Variants in STPG2 observed in about 807,000 individuals in gnomAD.
The protein encoded by STPG2 is sperm tail PG-rich repeat containing 2.
STPG2 carries 56 observed loss-of-function variants against 54.2 expected under a neutral mutation model. The ratio of observed to expected loss-of-function variants is 1.03; its 90% CI spans 0.83 to 1.29. The LOEUF is 1.29. Ranked by LOEUF, STPG2 falls within the 50% of genes most tolerant of loss-of-function variation. The probability of loss-of-function intolerance (pLI) is 0.00; values close to 1 mark genes in which losing one functional copy is unlikely to be tolerated. For missense variants in STPG2, 596 were observed against 544.9 expected, an observed-to-expected ratio of 1.09 and a Z score of -0.93; for synonymous variants, 200 against 181.8, an observed-to-expected ratio of 1.10 and a Z score of -0.81.
chr4:97,824,818 G>T (rs538866609), intron 9 of STPG2, among the ~76,000 whole-genome samples: 34 of 152,260 alleles, frequency 2.2e-4, no homozygotes, highest in African/African-American at 7.7e-4. Flanking sequence ...CCATTTTACG[G>T]GGGCAGCCTA....
intron 7 of STPG2, among the ~76,000 whole-genome samples, chr4:97,949,104 C>T (rs1377488842): frequency 6.6e-6 from 1 of 152,062 alleles, no homozygotes; most frequent in Non-Finnish European, 1.5e-5. Flanking sequence ...GGGATAAGTG[C>T]TTATACATTT....
At chr4:97,483,427 T>A (rs1245913716) in intron 4 of STPG2, among the ~76,000 whole-genome samples, 1 of 151,874 alleles carries the variant, frequency 6.6e-6, no homozygotes. Context: ...GTAGCTATTC[T>A]TATGTAAGAG....
chr4:98,052,664 C>T (rs1737359136), intron 5 of STPG2, among the ~76,000 whole-genome samples: 2 of 152,134 alleles, frequency 1.3e-5, no homozygotes, highest in African/African-American at 2.4e-5. Context: ...ATACCTTAGG[C>T]AGTAATTAGG....
At chr4:97,712,045 C>T (rs1312060062) in intron 10 of STPG2, among the ~76,000 whole-genome samples, 1 of 152,060 alleles carries the variant, frequency 6.6e-6, no homozygotes, top group Non-Finnish European at 1.5e-5. Context: ...CCAAAAAGAA[C>T]ATTCATTTTG....
At chr4:97,525,418 G>A (rs1443903531) in intron 4 of STPG2, among the ~76,000 whole-genome samples, 1 of 151,832 alleles carries the variant, frequency 6.6e-6, no homozygotes, top group Non-Finnish European at 1.5e-5. Flanking sequence ...AATGCAGAAG[G>A]GTTGTGACTC....
chr4:97,828,573 A>G (rs1308564432), intron 9 of STPG2, among the ~76,000 whole-genome samples: 3 of 152,112 alleles, frequency 2.0e-5, no homozygotes, highest in African/African-American at 7.2e-5. Context: ...AGGGGGCTGA[A>G]GCCAGGGAGC....
At chr4:97,818,537 G>C (rs1461329606) in intron 9 of STPG2, among the ~76,000 whole-genome samples, 1 of 151,692 alleles carries the variant, frequency 6.6e-6, no homozygotes, top group East Asian at 1.9e-4. Context: ...GCCATAGAAA[G>C]TGAAACCATT....
intron 5 of STPG2, among the ~76,000 whole-genome samples, chr4:98,019,158 C>A (rs1736082068): frequency 6.6e-6 from 1 of 152,176 alleles, no homozygotes; most frequent in African/African-American, 2.4e-5. Context: ...TTAGGTCTAA[C>A]ATGTAAGTCT....
Position 97,666,659 on chromosome 4 carries a change from T to C in STPG2, c.1320+46040A>G, listed in dbSNP as rs192942370. Among the ~76,000 whole-genome samples, 913 of 152,312 alleles carry C rather than the reference T, an allele frequency of 6.0e-3. 4 individuals are homozygous for C. The highest frequency in any genetic ancestry group is 0.021 in the South Asian group (101 of 4,826). On this transcript the variant is annotated intron_variant, in intron 10 of 10. Transcript: ENST00000295268. ...AAGAACAAAGCCACTTTAGGATATA[T>C]AACAATTGACATTTATTGTGTACTT...
intron 9 of STPG2, among the ~76,000 whole-genome samples, chr4:97,797,940 A>G (rs544486970): frequency 3.3e-4 from 50 of 152,222 alleles, no homozygotes; most frequent in African/African-American, 1.2e-3. Context: ...CCAGGAACTT[A>G]TCCATTTCTT....
intron 8 of STPG2, among the ~76,000 whole-genome samples, chr4:97,845,328 C>T (rs1217313362): frequency 6.6e-6 from 1 of 151,886 alleles, no homozygotes; most frequent in Non-Finnish European, 1.5e-5. Context: ...ATTTTCATTT[C>T]TGAAATTTTT....
intron 5 of STPG2, among the ~76,000 whole-genome samples, chr4:98,079,774 C>A (rs552313899): frequency 2.0e-4 from 31 of 152,136 alleles, no homozygotes; most frequent in African/African-American, 7.5e-4. Flanking sequence ...TCATAAAACT[C>A]TTTAGGTACA....
intron 10 of STPG2, among the ~76,000 whole-genome samples, chr4:97,634,077 G>A (rs1462132887): frequency 2.6e-5 from 4 of 152,202 alleles, no homozygotes; most frequent in African/African-American, 4.8e-5. Flanking sequence ...AACCTCTGCA[G>A]ACTTAAATGT....
chr4:97,932,537 C>T (rs1406715229), intron 8 of STPG2, among the ~76,000 whole-genome samples: 5 of 152,066 alleles, frequency 3.3e-5, no homozygotes, highest in Non-Finnish European at 7.4e-5. Flanking sequence ...CCCAAACAGG[C>T]CCCAGTGTGT....
At chr4:97,768,305 T>G (rs1465260290) in intron 9 of STPG2, among the ~76,000 whole-genome samples, 6 of 152,198 alleles carry the variant, frequency 3.9e-5, no homozygotes, top group Non-Finnish European at 8.8e-5. Context: ...ATCCAATTTA[T>G]AAATTTAGAA....
rs183108769 is a variant in STPG2 at position 97,945,203 on chromosome 4, T to A, written c.934-1196A>T. On this transcript the variant is annotated intron_variant, in intron 7 of 10. Transcript: ENST00000295268. ...CAATAAGTAGTTTTTTATCCCCCTA[T>A]TCTCCTCCCACCCTCCCCTTTCTAA... 1.5e-3 allele frequency among the ~76,000 whole-genome samples: 235 copies of A among 152,098 alleles called. 1 individual carries two copies. Among genetic ancestry groups the A allele is most frequent in the African/African-American group, 5.5e-3 (227 of 41,516 alleles).
chr4:97,820,501 T>G (rs1011071063), intron 9 of STPG2, among the ~76,000 whole-genome samples: 1 of 152,108 alleles, frequency 6.6e-6, no homozygotes, highest in African/African-American at 2.4e-5. Context: ...GTTACCCAAG[T>G]GTAAATGCAA....
chr4:97,596,043 A>G (rs1733280936), intron 10 of STPG2, among the ~76,000 whole-genome samples: 2 of 152,196 alleles, frequency 1.3e-5, no homozygotes, highest in African/African-American at 2.4e-5. Flanking sequence ...GCAATAACAC[A>G]CAAATGCTCA....
intron 4 of STPG2, among the ~76,000 whole-genome samples, chr4:97,493,151 A>C (rs896946763): frequency 3.0e-4 from 46 of 151,044 alleles, no homozygotes; most frequent in African/African-American, 1.1e-3. Context: ...CTGTATAGAA[A>C]GAGTAAAACG....
Sources: gnomAD v4.1 joint callset for allele counts (sites outside exome capture counted in the v4.1 genomes callset) on GRCh38, gnomAD v4.1.1 for gene constraint, MANE v1.5 for transcripts, NCBI Gene and HGNC (gene_info 2026-07-23, HGNC 2026-07-21) for gene names.